The following DCHS2 variants were observed in gnomAD, a reference collection of about 807,000 sequenced individuals.
DCHS2 encodes dachsous cadherin-related 2, also known as protocadherin-23.
DCHS2 carries 142 observed loss-of-function variants against 182.4 expected under a neutral mutation model. The observed-to-expected ratio is 0.78, with a 90% CI of 0.68 to 0.89. The LOEUF (loss-of-function observed/expected upper bound fraction) is 0.89. Among genes scored for constraint, DCHS2 ranks in the 40% least tolerant of loss-of-function variants. DCHS2 has a pLI of 0.00. For missense variants in DCHS2, 4,319 were observed against 4,198.6 expected, an observed-to-expected ratio of 1.03 and a Z score of -0.79; for synonymous variants, 1,740 against 1,663.3, an observed-to-expected ratio of 1.05 and a Z score of -1.12.
At chr4:154,428,918 A>T (rs1292550655) in intron 1 of DCHS2, among the ~76,000 whole-genome samples, 2 of 152,232 alleles carry the variant, frequency 1.3e-5, no homozygotes, top group South Asian at 2.1e-4. Context: ...TCAAAGAAAA[A>T]AAAGGAAAGT....
intron 13 of DCHS2, among the ~76,000 whole-genome samples, chr4:154,281,083 T>C (rs753851946): frequency 1.3e-5 from 2 of 151,968 alleles, no homozygotes; most frequent in Non-Finnish European, 2.9e-5. Context: ...CACCTCGACC[T>C]CCCAAAGTGC....
rs945039087 is a variant in DCHS2, at chr4:154,232,692, A to T, written c.*1844T>A. On this transcript the variant is annotated 3_prime_UTR_variant, in exon 20 of 20. Coordinates refer to ENST00000357232, the MANE Select transcript of DCHS2 (RefSeq NM_001358235.2). The stretch of plus-strand genomic sequence containing the variant: ...AGCAATGTTTTCAAAAGAGTCAGAG[A>T]TAATAAATACTGGAACACATAAATG... The T allele has an allele frequency of 6.6e-6, 1 of 152,090 alleles. No homozygotes were observed. Among genetic ancestry groups the T allele is most frequent in the African/African-American group, 2.4e-5 (1 of 41,430 alleles). The allele number at this position is 152,090 out of a possible 1,614,324, so 9.4% of individuals were successfully genotyped here. A position where few individuals can be genotyped will look rare whatever the true frequency, so the allele number is the denominator to read the frequency against.
At chr4:154,389,514 G>GATTAT (rs1561084765) in intron 1 of DCHS2, among the ~76,000 whole-genome samples, 1 of 45,798 alleles carries the variant, frequency 2.2e-5, no homozygotes, top group Non-Finnish European at 6.4e-5. Flanking sequence ...TAAAGACAAA[G>GATTAT]GTTATATATA....
At chr4:154,426,985 T>C (rs985267340) in intron 1 of DCHS2, among the ~76,000 whole-genome samples, 7 of 152,052 alleles carry the variant, frequency 4.6e-5, no homozygotes, top group Non-Finnish European at 1.0e-4. Flanking sequence ...TTAAATGCCA[T>C]ACAAAATCAG....
In DCHS2 at chr4:154,489,451, G is replaced by A; in HGVS notation, c.1905C>T (p.Ala635=). The A allele has an allele frequency of 1.3e-6, 2 of 1,551,694 alleles. No individual in the cohort carries two copies. Among genetic ancestry groups the A allele is most frequent in the Non-Finnish European group, 1.7e-6 (2 of 1,146,984 alleles). ...VQEAVELKVV[A]QDLGEPPLSA... is the part of the protein sequence containing the mutation. ...AGAGTGGGGGCTCTCCGAGGTCCTG[G>A]GCCACCACTTTCAGCTCCACCGCCT... The change falls in exon 1 of 20, where the codon GCC becomes GCT. Residue 635 remains alanine, a synonymous_variant. Coordinates refer to ENST00000357232, the MANE Select transcript of DCHS2 (RefSeq NM_001358235.2).
chr4:154,353,249 C>T (rs1044942819), intron 3 of DCHS2, among the ~76,000 whole-genome samples: 2 of 151,956 alleles, frequency 1.3e-5, no homozygotes, highest in South Asian at 2.1e-4. Context: ...CCCACCTTCA[C>T]CCAAGGATTC....
intron 15 of DCHS2, among the ~76,000 whole-genome samples, chr4:154,255,950 T>A (rs1204012153): frequency 6.6e-6 from 1 of 152,180 alleles, no homozygotes; most frequent in Non-Finnish European, 1.5e-5. Flanking sequence ...GAAATATTTT[T>A]AAAAACATCT....
intron 5 of DCHS2, among the ~76,000 whole-genome samples, chr4:154,332,116 T>C (rs1002365962): frequency 6.6e-6 from 1 of 152,220 alleles, no homozygotes; most frequent in Non-Finnish European, 1.5e-5. Context: ...AGGATGGTTG[T>C]TGAAAAAATT....
At position 154,489,517 on chromosome 4, in the gene DCHS2, AC is replaced by A; in HGVS notation, c.1838del (p.Gly613ValfsTer9). 22 of 1,551,548 alleles carry A rather than the reference AC, an allele frequency of 1.4e-5. No individual in the cohort carries two copies. Among genetic ancestry groups the A allele is most frequent in the Non-Finnish European group, 1.9e-5 (22 of 1,146,946 alleles). On this transcript the variant is annotated frameshift_variant, in exon 1 of 20. Transcript: ENST00000357232. LOFTEE classifies it high-confidence loss of function. ...GPSFAIDSES[G>X]AISTIRTLDR... ...CTAGAGTCCGGATAGTGCTGATCGC[AC>A]CGCTTTCGGAATCAATGGCAAAAGA...
At chr4:154,417,192 TGTGTGTGTGTGTGAGAGAGAGA>T (rs1560745718) in intron 1 of DCHS2, among the ~76,000 whole-genome samples, 41 of 104,078 alleles carry the variant, frequency 3.9e-4, no homozygotes, top group Admixed American at 1.8e-3. Context: ...TGTGTGTGTG[TGTGTGTGTGTGTGAGAGAGAGA>T]GAGAGAGAGA....
chr4:154,407,167 G>A (rs1231331401), intron 1 of DCHS2, among the ~76,000 whole-genome samples: 1 of 152,174 alleles, frequency 6.6e-6, no homozygotes, highest in Admixed American at 6.5e-5. Flanking sequence ...CTGGGACTCA[G>A]GCATCTTTCG....
In DCHS2 at chr4:154,297,929, G is replaced by C. The variant is rs781229611; in HGVS notation, c.6385C>G (p.His2129Asp). 1.2e-6 allele frequency: 2 copies of C among 1,613,958 alleles called. No homozygotes were observed. Among genetic ancestry groups the C allele is most frequent in the Non-Finnish European group, 1.7e-6 (2 of 1,180,010 alleles). The part of the protein sequence containing the change: ...ARTTTGLLVI[H>D]MEGEDVKISF... The stretch of plus-strand genomic sequence containing the variant: ...ATCTTTACATCTTCTCCTTCCATGT[G>C]AATGACCAAGAGACCCGTGGTTGTC... The change falls in exon 13 of 20, where the codon CAC becomes GAC. Residue 2129 changes from histidine to aspartate, a missense_variant. By Grantham distance (81) the His-to-Asp change is moderately conservative (BLOSUM62 -1). Transcript: ENST00000357232.
At chr4:154,420,852 A>T (rs1267213108) in intron 1 of DCHS2, among the ~76,000 whole-genome samples, 2 of 152,218 alleles carry the variant, frequency 1.3e-5, no homozygotes, top group African/African-American at 2.4e-5. Flanking sequence ...CCCTCATAGT[A>T]GGACAATTGT....
At chr4:154,292,914 G>A (rs1368787155) in intron 13 of DCHS2, among the ~76,000 whole-genome samples, 4 of 152,076 alleles carry the variant, frequency 2.6e-5, no homozygotes, top group African/African-American at 2.4e-5. Context: ...ATGGTTGACC[G>A]CCCCGTTTCT....
intron 1 of DCHS2, among the ~76,000 whole-genome samples, chr4:154,477,262 T>G (rs183363268): frequency 7.2e-5 from 11 of 152,304 alleles, no homozygotes; most frequent in Admixed American, 6.5e-4. Context: ...TCTCTTTCTC[T>G]TATAAGGACA....
In DCHS2 at chr4:154,305,040, T is replaced by A. The variant is rs1735387736; in HGVS notation, c.5395+57A>T. On this transcript the variant is annotated intron_variant, in intron 11 of 19. Coordinates refer to ENST00000357232, the MANE Select transcript of DCHS2 (RefSeq NM_001358235.2). Reference sequence around the variant, plus strand: ...TATAACATTTCACCACTTAACAGGTTTTTTTTAAATTTAATTTTTAATTTT... The same window carrying A: ...TATAACATTTCACCACTTAACAGGTATTTTTTAAATTTAATTTTTAATTTT... The A allele has an allele frequency of 2.6e-6, 4 of 1,511,916 alleles. 1 individual carries two copies. The South Asian group carries it at 4.0e-5, about 15-fold the overall frequency. The allele number at this position is 1,511,916 out of a possible 1,614,324, so 93.7% of individuals were successfully genotyped here.
At chr4:154,381,566 T>G (rs536600048) in intron 1 of DCHS2, among the ~76,000 whole-genome samples, 1 of 152,234 alleles carries the variant, frequency 6.6e-6, no homozygotes, top group African/African-American at 2.4e-5. Flanking sequence ...CTCCTGGAAC[T>G]GATAAACAAC....
intron 1 of DCHS2, among the ~76,000 whole-genome samples, chr4:154,471,479 A>C (rs1735465820): frequency 6.6e-6 from 1 of 152,186 alleles, no homozygotes; most frequent in South Asian, 2.1e-4. Flanking sequence ...AACAAGAGTT[A>C]TGTCTATAAC....
rs1437623219 is a variant in DCHS2 at position 154,332,604 on chromosome 4, CTT to C, written c.3602_3603del (p.Glu1201GlyfsTer16). 2.5e-6 allele frequency: 4 copies of C among 1,614,226 alleles called. No homozygotes were observed. Among genetic ancestry groups the C allele is most frequent in the South Asian group, 2.2e-5 (2 of 91,084 alleles). On this transcript the variant is annotated frameshift_variant, in exon 5 of 20. Coordinates refer to ENST00000357232, the MANE Select transcript of DCHS2 (RefSeq NM_001358235.2). LOFTEE classifies it high-confidence loss of function. ...FLHDVLFLKV[E>X]ESPVPQGVIG... ...ATTACCCCTTGGGGAACAGGGCTCT[CTT>C]CGACTTTCAAAAACAACACATCATG...
Sources: allele counts gnomAD v4.1 joint callset (sites outside exome capture counted in the v4.1 genomes callset), GRCh38; gene constraint gnomAD v4.1.1; transcripts MANE v1.5; gene names NCBI Gene and HGNC (gene_info 2026-07-23, HGNC 2026-07-21).